ATP2B2: variants seen among roughly 807,000 people sequenced by gnomAD.
The protein encoded by ATP2B2 is plasma membrane calcium-transporting ATPase 2.
A neutral mutation model predicts 120.0 loss-of-function variants in ATP2B2; 15 were observed. That is an observed-to-expected ratio of 0.12 (90% confidence interval 0.08 to 0.19). The LOEUF is 0.19. Ranked by LOEUF, ATP2B2 falls within the 10% of genes least tolerant of loss-of-function variation. The pLI, the probability that ATP2B2 is intolerant of heterozygous loss-of-function variation, is 1.00. For synonymous variants in ATP2B2, 694 were observed against 700.3 expected, an observed-to-expected ratio of 0.99 and a Z score of 0.14; for missense variants, 1,045 against 1,719.8, an observed-to-expected ratio of 0.61 and a Z score of 6.94.
intron 2 of ATP2B2, among the ~76,000 whole-genome samples, chr3:10,444,760 C>A (rs576840568): frequency 6.6e-6 from 1 of 152,224 alleles, no homozygotes; most frequent in African/African-American, 2.4e-5. Context: ...GGCAGCGCAA[C>A]GCTGGGCTCA....
chr3:10,476,918 C>G (rs935960597), intron 1 of ATP2B2, among the ~76,000 whole-genome samples: 1 of 152,166 alleles, frequency 6.6e-6, no homozygotes, highest in Non-Finnish European at 1.5e-5. Flanking sequence ...GCAGAACAGG[C>G]ACCTAGGGAA....
intron 2 of ATP2B2, among the ~76,000 whole-genome samples, chr3:10,559,479 C>T (rs1009530591): frequency 1.3e-5 from 2 of 152,064 alleles, no homozygotes; most frequent in African/African-American, 4.8e-5. Context: ...ATGGAAATAC[C>T]ACTCTGTACT....
intron 1 of ATP2B2, among the ~76,000 whole-genome samples, chr3:10,485,270 G>T (rs1161718672): frequency 6.6e-6 from 1 of 152,252 alleles, no homozygotes; most frequent in Admixed American, 6.5e-5. Flanking sequence ...TGTCGGGAAG[G>T]TTTATTATCC....
intron 1 of ATP2B2, among the ~76,000 whole-genome samples, chr3:10,472,640 G>T (rs112824779): frequency 6.6e-6 from 1 of 152,104 alleles, no homozygotes; most frequent in African/African-American, 2.4e-5. Context: ...GTCACTTCTG[G>T]GAGGCCTCCC....
intron 2 of ATP2B2, among the ~76,000 whole-genome samples, chr3:10,539,013 G>A (rs954126610): frequency 2.0e-5 from 3 of 152,202 alleles, no homozygotes; most frequent in African/African-American, 7.2e-5. Context: ...AAGCTAATAA[G>A]CAACTTCAGC....
chr3:10,537,510 CA>C (rs1296957322), intron 2 of ATP2B2, among the ~76,000 whole-genome samples: 2 of 141,964 alleles, frequency 1.4e-5, no homozygotes, highest in Non-Finnish European at 3.0e-5. Context: ...TATGAAAATA[CA>C]TTTTTTTTTT....
intron 12 of ATP2B2, among the ~76,000 whole-genome samples, chr3:10,365,546 G>A (rs1479908600): frequency 3.3e-5 from 5 of 152,084 alleles, no homozygotes; most frequent in East Asian, 3.9e-4. Context: ...GCTGCACTCC[G>A]GGAGAGTAGA....
At chr3:10,589,754 G>A (rs1233503284) in intron 2 of ATP2B2, among the ~76,000 whole-genome samples, 1 of 152,212 alleles carries the variant, frequency 6.6e-6, no homozygotes, top group Non-Finnish European at 1.5e-5. Flanking sequence ...AAGTAATAAT[G>A]AGAACGAATA....
intron 1 of ATP2B2, among the ~76,000 whole-genome samples, chr3:10,487,098 C>T (rs1250298923): frequency 6.6e-6 from 1 of 152,090 alleles, no homozygotes; most frequent in Non-Finnish European, 1.5e-5. Flanking sequence ...GTACCCACTG[C>T]CTCAAATGTA....
chr3:10,568,479 T>C (rs1253879394), intron 2 of ATP2B2, among the ~76,000 whole-genome samples: 1 of 152,226 alleles, frequency 6.6e-6, no homozygotes, highest in African/African-American at 2.4e-5. Context: ...AGAGAAAGCC[T>C]AGATTCTCTA....
chr3:10,633,298 T>C (rs2069923163), intron 1 of ATP2B2, among the ~76,000 whole-genome samples: 1 of 152,180 alleles, frequency 6.6e-6, no homozygotes, highest in East Asian at 1.9e-4. Context: ...CTGCCTCCGC[T>C]TCCAAAAGGT....
chr3:10,381,872 A>T lies in ATP2B2; in HGVS notation c.1001-2588T>A, dbSNP rs146192842. On this transcript the variant is annotated intron_variant, in intron 8 of 22. Transcript: ENST00000360273. The stretch of plus-strand genomic sequence containing the variant: ...TGCATGGATTGGGAGGATTCCTGGT[A>T]AGCTGACCTGATACACAAGCTCTGG... 5.9e-5 allele frequency among the ~76,000 whole-genome samples: 9 copies of T among 152,258 alleles called. No individual in the cohort carries two copies. In the East Asian group the frequency reaches 1.5e-3, roughly 26 times the overall value.
intron 5 of ATP2B2, among the ~76,000 whole-genome samples, chr3:10,390,015 G>C (rs1251792419): frequency 6.6e-6 from 1 of 151,954 alleles, no homozygotes; most frequent in Non-Finnish European, 1.5e-5. Context: ...TTTTTTTCCT[G>C]TTTTTATTTT....
At chr3:10,595,900 C>T (rs975664618) in intron 2 of ATP2B2, among the ~76,000 whole-genome samples, 13 of 152,310 alleles carry the variant, frequency 8.5e-5, no homozygotes, top group African/African-American at 3.1e-4. Flanking sequence ...TTGCTGTCCC[C>T]TTTGAGCACC....
At chr3:10,387,804 T>A (rs758354756) in intron 6 of ATP2B2, 1 of 233,598 alleles carries the variant, frequency 4.3e-6, no homozygotes, top group Admixed American at 5.0e-5. Flanking sequence ...TTTGGAGCCA[T>A]GCATCTGGCT....
At chr3:10,531,050 T>A (rs1427358933) in intron 3 of ATP2B2, among the ~76,000 whole-genome samples, 1 of 152,188 alleles carries the variant, frequency 6.6e-6, no homozygotes, top group African/African-American at 2.4e-5. Context: ...AGTGACAAGA[T>A]TCCCTGATTC....
intron 1 of ATP2B2, among the ~76,000 whole-genome samples, chr3:10,641,172 G>C (rs1417299776): frequency 6.6e-6 from 1 of 152,240 alleles, no homozygotes. Context: ...GCAGGTAGAA[G>C]ATGGGGCAGC....
chr3:10,513,822 C>T (rs1254005131), intron 3 of ATP2B2, among the ~76,000 whole-genome samples: 1 of 152,152 alleles, frequency 6.6e-6, no homozygotes, highest in African/African-American at 2.4e-5. Context: ...ACTCTCAATC[C>T]AGTGCTCCCT....
At chr3:10,609,055 T>C (rs2069158698) in intron 2 of ATP2B2, among the ~76,000 whole-genome samples, 1 of 152,238 alleles carries the variant, frequency 6.6e-6, no homozygotes. Context: ...GTCCTGCCGC[T>C]GCTTCATGGA....
Sources: allele counts gnomAD v4.1 joint callset (sites outside exome capture counted in the v4.1 genomes callset), GRCh38; gene constraint gnomAD v4.1.1; transcripts MANE v1.5; gene names NCBI Gene and HGNC (gene_info 2026-07-23, HGNC 2026-07-21).